UAP1: variants seen among roughly 807,000 people sequenced by gnomAD.
UAP1 encodes UDP-N-acetylhexosamine pyrophosphorylase.
A neutral mutation model predicts 58.5 loss-of-function variants in UAP1; 25 were observed. The observed-to-expected ratio is 0.43, with a 90% CI of 0.31 to 0.60. The LOEUF is 0.60. Ranked by LOEUF, UAP1 falls within the 20% of genes least tolerant of loss-of-function variation. The probability of loss-of-function intolerance (pLI) is 0.11; values close to 1 mark genes in which losing one functional copy is unlikely to be tolerated. For missense variants in UAP1, 575 were observed against 630.0 expected (o/e 0.91, Z 0.93); for synonymous variants, 208 against 213.0 (o/e 0.98, Z 0.21).
chr1:162,587,388 GT>G, intron 5 of UAP1, 86 bp from the exon 6 acceptor site: 1 of 1,301,386 alleles, frequency 7.7e-7, no homozygotes, highest in South Asian at 1.4e-5. Context: ...TGTAAGCAAA[GT>G]TGTAAATGTC....
At chr1:162,600,203 A>G (rs1005619366), downstream of UAP1, among the ~76,000 whole-genome samples, 1 of 152,226 alleles carries the variant, frequency 6.6e-6, no homozygotes, top group Non-Finnish European at 1.5e-5. Flanking sequence ...TAAAGTGTCA[A>G]TGGTGTCAAG....
At chr1:162,598,873 G>A (rs1327614929) in intron 10 of UAP1, among the ~76,000 whole-genome samples, 2 of 152,044 alleles carry the variant, frequency 1.3e-5, no homozygotes, top group Non-Finnish European at 1.5e-5. Flanking sequence ...AAACTTAGAC[G>A]GGTGTGATGG....
chr1:162,567,919 C>T (rs1653618236), intron 2 of UAP1, among the ~76,000 whole-genome samples: 1 of 152,036 alleles, frequency 6.6e-6, no homozygotes, highest in Non-Finnish European at 1.5e-5. Context: ...CCTCAGCTTC[C>T]CGAGTAGCTG....
rs564576243 is a variant in UAP1 at position 162,596,623 on chromosome 1, G to A, written c.1410-1169G>A. Among the ~76,000 whole-genome samples, 5 of 152,334 alleles carry A rather than the reference G, an allele frequency of 3.3e-5. No individual in the cohort carries two copies. In the South Asian group the frequency reaches 1.0e-3, roughly 32 times the overall value. On this transcript the variant is annotated intron_variant, in intron 9 of 10. Coordinates refer to ENST00000271469, the Ensembl canonical transcript of UAP1. The stretch of plus-strand genomic sequence containing the variant: ...AGAATGACTTGGAATAATCCAAAGA[G>A]TGTGACTGATCTGGTTTGAGTGGAG...
chr1:162,564,845 G>C (rs935446859), intron 1 of UAP1, among the ~76,000 whole-genome samples: 2 of 152,020 alleles, frequency 1.3e-5, no homozygotes, highest in Non-Finnish European at 2.9e-5. Flanking sequence ...ACACGTGCTT[G>C]CTCATCATGG....
intron 3 of UAP1, among the ~76,000 whole-genome samples, chr1:162,578,429 T>C (rs1654348827): frequency 1.3e-5 from 2 of 152,234 alleles, no homozygotes; most frequent in African/African-American, 4.8e-5. Flanking sequence ...GTAATTTTCG[T>C]AGCTCTTCTA....
At chr1:162,577,125 A>T (rs1173055083) in intron 3 of UAP1, 144 bp downstream of exon 3, 2 of 829,188 alleles carry the variant, frequency 2.4e-6, no homozygotes, top group Admixed American at 5.5e-5. Context: ...TATATGTTAA[A>T]AGTGCTATAT....
At chr1:162,596,770 C>T (rs1339659589) in intron 9 of UAP1, among the ~76,000 whole-genome samples, 3 of 152,162 alleles carry the variant, frequency 2.0e-5, no homozygotes, top group Non-Finnish European at 2.9e-5. Flanking sequence ...TTTGAGACTA[C>T]GTACTTGGGG....
At position 162,580,156 on chromosome 1, in the gene UAP1, C is replaced by T. The variant is rs567325838; in HGVS notation, c.661+553C>T. 3.3e-5 allele frequency among the ~76,000 whole-genome samples: 5 copies of T among 152,236 alleles called. No individual in the cohort carries two copies. The South Asian group carries it at 8.3e-4, about 25-fold the overall frequency. ...TGCTGGAATTACAGCCGTGAGCCACCGCGCCCAGCCATATAGCAAATATTT... is the reference window on the plus strand; with the variant it reads ...TGCTGGAATTACAGCCGTGAGCCACTGCGCCCAGCCATATAGCAAATATTT... On this transcript the variant is annotated intron_variant, in intron 4 of 10. Coordinates refer to ENST00000271469, the Ensembl canonical transcript of UAP1.
chr1:162,568,161 A>G (rs182379419), intron 2 of UAP1, among the ~76,000 whole-genome samples: 8 of 152,292 alleles, frequency 5.3e-5, no homozygotes, highest in African/African-American at 7.2e-5. Flanking sequence ...CTTATAGTCT[A>G]TATTTACAAC....
rs201314469 is a variant in UAP1, at chr1:162,571,092, CTT to C, written c.280+4760_280+4761del. Among the ~76,000 whole-genome samples the C allele has an allele frequency of 2.4e-3, 293 of 124,438 alleles. 5 individuals are homozygous for C. The East Asian group carries it at 0.055, about 23-fold the overall frequency. 81.6% of individuals were successfully genotyped at this position (124,438 alleles called of 152,430 possible). A position where few individuals can be genotyped will look rare whatever the true frequency, so the allele number is the denominator to read the frequency against. On this transcript the variant is annotated intron_variant, in intron 2 of 10. Transcript: ENST00000271469. ...CCTAGAAATGTGTCAGTCTGGCTTT[CTT>C]TTTTTTTTTTTTTTTCTAACTTCTG...
rs531467976 is a variant in UAP1, at chr1:162,579,110, C to A, written c.486-318C>A. Among the ~76,000 whole-genome samples, 7 of 152,272 alleles carry A rather than the reference C, an allele frequency of 4.6e-5. 1 individual carries two copies. The highest frequency in any genetic ancestry group is 1.7e-4 in the African/African-American group (7 of 41,560). On this transcript the variant is annotated intron_variant, in intron 3 of 10. Coordinates refer to ENST00000271469, the Ensembl canonical transcript of UAP1. ...TCCTGTTTATTCAGAATAGGCATTTCAAATTTAAAATACACTTTCACAGAG... is the reference window on the plus strand; with the variant it reads ...TCCTGTTTATTCAGAATAGGCATTTAAAATTTAAAATACACTTTCACAGAG...
At chr1:162,596,403 G>T (rs1655621883) in intron 9 of UAP1, among the ~76,000 whole-genome samples, 1 of 152,124 alleles carries the variant, frequency 6.6e-6, no homozygotes, top group African/African-American at 2.4e-5. Flanking sequence ...TCAAACTCCT[G>T]ACCTCAGGTG....
At chr1:162,562,855 C>T (rs1163059904) in intron 1 of UAP1, among the ~76,000 whole-genome samples, 3 of 152,024 alleles carry the variant, frequency 2.0e-5, no homozygotes, top group Admixed American at 6.6e-5. Context: ...TTATTCATTT[C>T]GAGGGCATAC....
chr1:162,561,856 A>G (rs1653158145), intron 1 of UAP1, 79 bp downstream of exon 1: 2 of 152,226 alleles, frequency 1.3e-5, no homozygotes, highest in Admixed American at 6.5e-5. Flanking sequence ...CACCGCACAC[A>G]CGGCCACGCG....
intron 2 of UAP1, among the ~76,000 whole-genome samples, chr1:162,576,564 A>T (rs1654194214): frequency 6.6e-6 from 1 of 152,188 alleles, no homozygotes; most frequent in Non-Finnish European, 1.5e-5. Flanking sequence ...TTGTTATTTC[A>T]GTCCCATGTG....
chr1:162,582,908 G>A (rs1271958169), intron 5 of UAP1, among the ~76,000 whole-genome samples: 1 of 151,888 alleles, frequency 6.6e-6, no homozygotes, highest in Non-Finnish European at 1.5e-5. Context: ...TCTGGACTCT[G>A]AAAATAAGTG....
chr1:162,571,517 TAGAA>T (rs1410532001), intron 2 of UAP1, among the ~76,000 whole-genome samples: 2 of 152,196 alleles, frequency 1.3e-5, no homozygotes, highest in African/African-American at 2.4e-5. Context: ...CATGGAGAGA[TAGAA>T]AGGGTGATAC....
chr1:162,568,707 A>G (rs1653678012), intron 2 of UAP1, among the ~76,000 whole-genome samples: 1 of 152,168 alleles, frequency 6.6e-6, no homozygotes, highest in African/African-American at 2.4e-5. Context: ...CCTGGGTTTC[A>G]AAAAGGCTAC....
Sources: allele counts gnomAD v4.1 joint callset (sites outside exome capture counted in the v4.1 genomes callset), GRCh38; gene constraint gnomAD v4.1.1; transcripts MANE v1.5; gene names NCBI Gene and HGNC (gene_info 2026-07-23, HGNC 2026-07-21).